RASEF: variants seen among roughly 807,000 people sequenced by gnomAD.
RASEF encodes the protein ras and EF-hand domain-containing protein.
A neutral mutation model predicts 90.1 loss-of-function variants in RASEF; 68 were observed. The ratio of observed to expected loss-of-function variants is 0.75; its 90% confidence interval spans 0.62 to 0.92. RASEF has a LOEUF of 0.92. Ranked by LOEUF, RASEF falls within the 40% of genes least tolerant of loss-of-function variation. The pLI is 0.00. For synonymous variants in RASEF, 331 were observed against 345.2 expected, an observed-to-expected ratio of 0.96 and a Z score of 0.46; for missense variants, 949 against 937.2, an observed-to-expected ratio of 1.01 and a Z score of -0.16.
chr9:83,218,532 A>T, the RASEF span, among the ~76,000 whole-genome samples: 2 of 152,060 alleles, frequency 1.3e-5, no homozygotes, highest in African/African-American at 4.8e-5. Context: ...TGGGGGTAGG[A>T]CCTGACTAGC....
intron 4 of RASEF, among the ~76,000 whole-genome samples, chr9:83,015,405 G>T (rs1829325136): frequency 6.6e-6 from 1 of 152,218 alleles, no homozygotes; most frequent in South Asian, 2.1e-4. Flanking sequence ...TTCAGGCTGG[G>T]CACAGTGGCT....
chr9:83,189,129 C>G, the RASEF span, among the ~76,000 whole-genome samples: 1 of 152,166 alleles, frequency 6.6e-6, no homozygotes, highest in Non-Finnish European at 1.5e-5. Flanking sequence ...CCCCACATGT[C>G]GTGGGAGGGG....
chr9:83,115,562 T>G, the RASEF span, among the ~76,000 whole-genome samples: 1 of 152,184 alleles, frequency 6.6e-6, no homozygotes, highest in East Asian at 1.9e-4. Flanking sequence ...CCATTCATGA[T>G]GAAATACAAA....
chr9:83,154,988 C>T, the RASEF span, among the ~76,000 whole-genome samples: 1 of 152,190 alleles, frequency 6.6e-6, no homozygotes, highest in African/African-American at 2.4e-5. Context: ...CATCTACCAG[C>T]CTGCTGAGTC....
chr9:83,144,391 G>GAAAAGAAAGAAA, the RASEF span, among the ~76,000 whole-genome samples: 44 of 33,242 alleles, frequency 1.3e-3, 3 homozygotes, highest in African/African-American at 4.3e-3. Context: ...AAGAAAGAAA[G>GAAAAGAAAGAAA]GAAAGAAAGA....
chr9:83,197,803 T>A, the RASEF span, among the ~76,000 whole-genome samples: 4 of 152,178 alleles, frequency 2.6e-5, no homozygotes, highest in African/African-American at 9.7e-5. Flanking sequence ...ATTAGGCCAG[T>A]TGGTTTATTA....
intron 5 of RASEF, among the ~76,000 whole-genome samples, chr9:83,011,671 G>C (rs1382132950): frequency 1.3e-5 from 2 of 150,266 alleles, no homozygotes. Flanking sequence ...TAAGGTATCA[G>C]TGATATCATG....
chr9:83,130,030 A>G, the RASEF span, among the ~76,000 whole-genome samples: 1 of 152,234 alleles, frequency 6.6e-6, no homozygotes, highest in Non-Finnish European at 1.5e-5. Context: ...ATGCCTTGGT[A>G]TATTTTGGCT....
chr9:83,135,871 A>G, the RASEF span, among the ~76,000 whole-genome samples: 1 of 152,134 alleles, frequency 6.6e-6, no homozygotes, highest in African/African-American at 2.4e-5. Flanking sequence ...CTTAGTTAAA[A>G]CTGCCTTCCC....
At chr9:83,093,138 A>G in the RASEF span, among the ~76,000 whole-genome samples, 1 of 152,088 alleles carries the variant, frequency 6.6e-6, no homozygotes, top group Non-Finnish European at 1.5e-5. Context: ...ACAAACCTTG[A>G]GCTAGATACA....
the RASEF span, among the ~76,000 whole-genome samples, chr9:83,157,664 T>C: frequency 1.3e-5 from 2 of 152,240 alleles, no homozygotes; most frequent in African/African-American, 4.8e-5. Flanking sequence ...TTTTGCTGCA[T>C]AATATAAATC....
Position 82,980,819 on chromosome 9 carries a change from G to A in RASEF, c.*1858C>T, listed in dbSNP as rs1828584199. On this transcript the variant is annotated 3_prime_UTR_variant, in exon 17 of 17. Coordinates refer to ENST00000376447, the MANE Select transcript of RASEF (RefSeq NM_152573.4). ...ATATGCAAGACATTCTTTATGATCAGAAATGTAATCTTTTCTTTTTCTGGA... is the reference window on the plus strand; with the variant it reads ...ATATGCAAGACATTCTTTATGATCAAAAATGTAATCTTTTCTTTTTCTGGA... 6.6e-6 allele frequency: 1 copy of A among 152,162 alleles called. No homozygotes were observed. Among genetic ancestry groups the A allele is most frequent in the South Asian group, 2.1e-4 (1 of 4,824 alleles). 9.4% of individuals were successfully genotyped at this position (152,162 alleles called of 1,614,324 possible). A position where few individuals can be genotyped will look rare whatever the true frequency, so the allele number is the denominator to read the frequency against.
At chr9:83,194,956 T>C in the RASEF span, among the ~76,000 whole-genome samples, 1 of 152,174 alleles carries the variant, frequency 6.6e-6, no homozygotes, top group South Asian at 2.1e-4. Context: ...AATGGCCATC[T>C]CTCCAAGGAG....
chr9:83,020,215 A>G lies in RASEF; in HGVS notation c.669+2121T>C, dbSNP rs114978428. Among the ~76,000 whole-genome samples the G allele has an allele frequency of 3.1e-3, 476 of 152,322 alleles. 2 individuals are homozygous for G. Among genetic ancestry groups the G allele is most frequent in the African/African-American group, 0.011 (450 of 41,570 alleles). On this transcript the variant is annotated intron_variant, in intron 3 of 16. Coordinates refer to ENST00000376447, the MANE Select transcript of RASEF (RefSeq NM_152573.4). ...GCTACAGGAGCAGGGCAGGGCATCA[A>G]GAAGAAAGTGAGGGTTCCTCTGAGC...
chr9:83,078,721 C>G, the RASEF span, among the ~76,000 whole-genome samples: 22 of 151,866 alleles, frequency 1.4e-4, no homozygotes, highest in East Asian at 3.7e-3. Context: ...CAATCAGAAG[C>G]TGCCAATTAA....
At chr9:83,153,919 A>G in the RASEF span, among the ~76,000 whole-genome samples, 2 of 152,230 alleles carry the variant, frequency 1.3e-5, no homozygotes, top group Non-Finnish European at 2.9e-5. Context: ...AGTACCTGAC[A>G]GTTGTCAAAC....
intron 9 of RASEF, among the ~76,000 whole-genome samples, chr9:83,001,910 G>A (rs1039543641): frequency 3.9e-5 from 6 of 152,172 alleles, no homozygotes; most frequent in African/African-American, 1.4e-4. Context: ...TTCATAGGGA[G>A]GGAGGTGCCT....
At chr9:83,100,191 G>T in the RASEF span, among the ~76,000 whole-genome samples, 1 of 152,116 alleles carries the variant, frequency 6.6e-6, no homozygotes, top group Non-Finnish European at 1.5e-5. Flanking sequence ...ACATTATCTA[G>T]CAAGCTGAGA....
At chr9:83,074,092 G>T in the RASEF span, among the ~76,000 whole-genome samples, 2 of 152,104 alleles carry the variant, frequency 1.3e-5, no homozygotes, top group African/African-American at 2.4e-5. Context: ...ATGTTAGCAG[G>T]TAAGGGCAGA....
Sources: allele counts gnomAD v4.1 joint callset (sites outside exome capture counted in the v4.1 genomes callset), GRCh38; gene constraint gnomAD v4.1.1; transcripts MANE v1.5; gene names NCBI Gene and HGNC (gene_info 2026-07-23, HGNC 2026-07-21).